DNAJC1: variants seen among roughly 807,000 people sequenced by gnomAD.
The protein encoded by DNAJC1 is dnaJ homolog subfamily C member 1.
DNAJC1 carries 58 observed loss-of-function variants against 76.6 expected under a neutral mutation model. The observed-to-expected ratio is 0.76, with a 90% CI of 0.61 to 0.94. The LOEUF (loss-of-function observed/expected upper bound fraction) is 0.94, where lower values mean the gene tolerates loss of function less well. DNAJC1 is among the 40% of genes least tolerant of loss of function. The pLI is 0.00. For missense variants in DNAJC1, 689 were observed against 677.3 expected (o/e 1.02, Z -0.19); for synonymous variants, 258 against 267.9 (o/e 0.96, Z 0.36).
chr10:21,819,112 A>G (rs1280078924), intron 8 of DNAJC1, among the ~76,000 whole-genome samples: 1 of 152,204 alleles, frequency 6.6e-6, no homozygotes, highest in Admixed American at 6.5e-5. Context: ...TGGTTTTAAA[A>G]AAGGTTTGGG....
At chr10:21,910,829 A>AAGGAAACGAG (rs55739305) in intron 6 of DNAJC1, among the ~76,000 whole-genome samples, 2 of 48,914 alleles carry the variant, frequency 4.1e-5, no homozygotes, top group Non-Finnish European at 6.9e-5. Context: ...GAAAGAAAGG[A>AAGGAAACGAG]AGGAGAGGAG....
chr10:21,970,497 T>C (rs1186634149), intron 1 of DNAJC1, among the ~76,000 whole-genome samples: 1 of 152,062 alleles, frequency 6.6e-6, no homozygotes, highest in African/African-American at 2.4e-5. Context: ...TAAACATTTT[T>C]AAATTAAGGA....
intron 1 of DNAJC1, among the ~76,000 whole-genome samples, chr10:21,951,539 C>A (rs1349447020): frequency 6.6e-6 from 1 of 151,132 alleles, no homozygotes; most frequent in Non-Finnish European, 1.5e-5. Context: ...AAAAGTTTAA[C>A]AATGTAAAAT....
At chr10:22,000,612 T>C (rs1232429587) in intron 1 of DNAJC1, among the ~76,000 whole-genome samples, 1 of 152,244 alleles carries the variant, frequency 6.6e-6, no homozygotes, top group Non-Finnish European at 1.5e-5. Flanking sequence ...CATGCTATGG[T>C]CTGAATGTTT....
intron 1 of DNAJC1, among the ~76,000 whole-genome samples, chr10:21,961,504 T>C (rs1012627935): frequency 1.3e-5 from 2 of 152,120 alleles, no homozygotes; most frequent in East Asian, 1.9e-4. Flanking sequence ...ATTCCACTTA[T>C]AAGAAATATC....
intron 1 of DNAJC1, among the ~76,000 whole-genome samples, chr10:21,955,458 G>A (rs1837662909): frequency 6.6e-6 from 1 of 152,078 alleles, no homozygotes; most frequent in South Asian, 2.1e-4. Context: ...AAATGGGACT[G>A]AGGGCCAAAG....
chr10:21,924,679 C>T (rs898094319), intron 3 of DNAJC1, among the ~76,000 whole-genome samples: 2 of 152,052 alleles, frequency 1.3e-5, no homozygotes, highest in Non-Finnish European at 2.9e-5. Context: ...ACCAGGAAAA[C>T]CTGTTATAGG....
chr10:21,992,243 G>A (rs761305480), intron 1 of DNAJC1, among the ~76,000 whole-genome samples: 14 of 152,196 alleles, frequency 9.2e-5, no homozygotes, highest in Non-Finnish European at 1.5e-4. Flanking sequence ...TCCGGGAGGC[G>A]GAGGTTGCAG....
At chr10:21,928,467 C>G in intron 3 of DNAJC1, 39 bp downstream of exon 3, 1 of 1,565,364 alleles carries the variant, frequency 6.4e-7, no homozygotes, top group African/African-American at 1.4e-5. Context: ...TAGCATGAAA[C>G]TATAACATCT....
intron 8 of DNAJC1, among the ~76,000 whole-genome samples, chr10:21,833,960 C>T (rs976790583): frequency 1.3e-4 from 20 of 152,056 alleles, no homozygotes; most frequent in Admixed American, 3.9e-4. Context: ...AAAAAAAATA[C>T]TTTATGAAAG....
Position 21,929,089 on chromosome 10 carries a change from A to T in DNAJC1, c.275T>A (p.Leu92Ter), listed in dbSNP as rs373774520. 6.2e-7 allele frequency: 1 copy of T among 1,612,536 alleles called. No individual in the cohort carries two copies. ...TTCATCTTTATTCTTGTCTGGATGT[A>T]AAGTTAGTGAAAGCTTACGATATGC... ...RKAYRKLSLT[L>*]HPDKNKDENA... is the part of the protein sequence containing the mutation. The change falls in exon 2 of 12, where the codon TTA becomes TAA. Residue 92 changes from leucine (L) to a stop codon, truncating the protein, a stop_gained. Transcript: ENST00000376980. LOFTEE classifies it high-confidence loss of function.
chr10:21,981,560 T>C (rs1838158703), intron 1 of DNAJC1, among the ~76,000 whole-genome samples: 2 of 152,210 alleles, frequency 1.3e-5, no homozygotes, highest in Admixed American at 1.3e-4. Context: ...CCACAAGTTG[T>C]TAGTTTTCTG....
intron 1 of DNAJC1, among the ~76,000 whole-genome samples, chr10:21,943,683 T>C (rs1016788579): frequency 6.6e-6 from 1 of 152,194 alleles, no homozygotes; most frequent in Non-Finnish European, 1.5e-5. Flanking sequence ...AATCTTGTTC[T>C]TGGCTGTCTC....
intron 8 of DNAJC1, among the ~76,000 whole-genome samples, chr10:21,879,319 A>G (rs1018568880): frequency 2.0e-5 from 3 of 152,156 alleles, no homozygotes; most frequent in Non-Finnish European, 4.4e-5. Flanking sequence ...TTTGTTTCCC[A>G]GTACATATAA....
At chr10:21,949,585 T>C (rs1353245336) in intron 1 of DNAJC1, among the ~76,000 whole-genome samples, 1 of 151,596 alleles carries the variant, frequency 6.6e-6, no homozygotes, top group African/African-American at 2.4e-5. Flanking sequence ...CCCGGCTAAT[T>C]TTTGTATTTT....
chr10:21,855,176 A>G (rs1430577877), intron 8 of DNAJC1, among the ~76,000 whole-genome samples: 1 of 152,216 alleles, frequency 6.6e-6, no homozygotes, highest in Non-Finnish European at 1.5e-5. Context: ...TTAATAAAGC[A>G]AGAATACAAA....
intron 3 of DNAJC1, among the ~76,000 whole-genome samples, chr10:21,923,873 A>G (rs577846742): frequency 2.0e-5 from 3 of 152,030 alleles, no homozygotes; most frequent in Non-Finnish European, 4.4e-5. Flanking sequence ...AAATGTACAG[A>G]AATTTAAAAC....
intron 1 of DNAJC1, among the ~76,000 whole-genome samples, chr10:21,972,875 A>C (rs1660393940): frequency 6.6e-6 from 1 of 152,144 alleles, no homozygotes. Context: ...GAGAACCTAA[A>C]TACAATAATA....
intron 6 of DNAJC1, among the ~76,000 whole-genome samples, chr10:21,918,564 G>A (rs770384886): frequency 1.3e-5 from 2 of 151,206 alleles, no homozygotes; most frequent in Non-Finnish European, 3.0e-5. Flanking sequence ...GGGACTCTAA[G>A]GTGATCTAAA....
Sources: allele counts gnomAD v4.1 joint callset (sites outside exome capture counted in the v4.1 genomes callset), GRCh38; gene constraint gnomAD v4.1.1; transcripts MANE v1.5; gene names NCBI Gene and HGNC (gene_info 2026-07-23, HGNC 2026-07-21).